The following MAPK14 variants were observed in gnomAD, a reference collection of about 807,000 sequenced individuals.
The protein encoded by MAPK14 is mitogen-activated protein kinase 14, also known as CSAID-binding protein.
In MAPK14, 16 loss-of-function variants were observed where a neutral mutation model predicts 49.6. That is an observed-to-expected ratio of 0.32 (90% CI 0.22 to 0.49). The LOEUF (loss-of-function observed/expected upper bound fraction) is 0.49, where lower values mean the gene tolerates loss of function less well. Among genes scored for constraint, MAPK14 ranks in the 20% least tolerant of loss-of-function variants. MAPK14 has a pLI of 0.99. For missense variants in MAPK14, 200 were observed against 441.2 expected (o/e 0.45, Z 4.90); for synonymous variants, 142 against 158.0 (o/e 0.90, Z 0.76).
chr6:36,104,779 T>C (rs905087431), intron 10 of MAPK14, among the ~76,000 whole-genome samples: 2 of 152,192 alleles, frequency 1.3e-5, no homozygotes, highest in African/African-American at 2.4e-5. Flanking sequence ...TGACACCCTC[T>C]TAACAGACTC....
chr6:36,113,343 TAAA>T (rs35876911), downstream of MAPK14, among the ~76,000 whole-genome samples: 6 of 71,754 alleles, frequency 8.4e-5, no homozygotes, highest in Admixed American at 1.8e-4. Flanking sequence ...CCCTGTCTCA[TAAA>T]AAAAAAAAAA....
chr6:36,082,628 C>T (rs1037877260), intron 8 of MAPK14, among the ~76,000 whole-genome samples: 1 of 152,096 alleles, frequency 6.6e-6, no homozygotes, highest in African/African-American at 2.4e-5. Context: ...TTTTAAACAA[C>T]CAGCATTTGC....
intron 8 of MAPK14, among the ~76,000 whole-genome samples, chr6:36,080,802 A>T (rs1412195872): frequency 6.6e-6 from 1 of 151,450 alleles, no homozygotes; most frequent in African/African-American, 2.4e-5. Context: ...ACCATTTTAC[A>T]TGCCCACCAG....
rs3752524 is a variant in MAPK14 at position 36,102,969 on chromosome 6, C to G, written c.841+320C>G. On this transcript the variant is annotated intron_variant, in intron 10 of 11. Coordinates refer to ENST00000229794, the MANE Select transcript of MAPK14 (RefSeq NM_139012.3). ...AAGCAGATACAGAAGAAAGCTGTAACTTGCTCACAACTGCTGTGGATTTAT... is the reference window on the plus strand; with the variant it reads ...AAGCAGATACAGAAGAAAGCTGTAAGTTGCTCACAACTGCTGTGGATTTAT... 3.6e-4 allele frequency among the ~76,000 whole-genome samples: 55 copies of G among 152,282 alleles called. No individual in the cohort carries two copies. In the East Asian group the frequency reaches 9.5e-3, roughly 26 times the overall value.
rs181612804 is a variant in MAPK14, at chr6:36,063,249, T to G, written c.305+3902T>G. On this transcript the variant is annotated intron_variant, in intron 3 of 11. Transcript: ENST00000229794. ...GGTAACTGTAACGTGATGCTATGTGTTTGTGTATCTAAACATAACTAAACA... is the reference window on the plus strand; with the variant it reads ...GGTAACTGTAACGTGATGCTATGTGGTTGTGTATCTAAACATAACTAAACA... 6.1e-4 allele frequency among the ~76,000 whole-genome samples: 93 copies of G among 152,236 alleles called. 1 individual carries two copies. Among genetic ancestry groups the G allele is most frequent in the South Asian group, 2.1e-3 (10 of 4,824 alleles).
chr6:36,095,388 A>G (rs1313382597), intron 8 of MAPK14, among the ~76,000 whole-genome samples: 1 of 152,230 alleles, frequency 6.6e-6, no homozygotes, highest in African/African-American at 2.4e-5. Context: ...AGTGCCTGCT[A>G]TAGCCAGTGT....
intron 6 of MAPK14, among the ~76,000 whole-genome samples, chr6:36,075,182 T>C (rs1324566222): frequency 1.5e-5 from 2 of 133,960 alleles, no homozygotes; most frequent in Non-Finnish European, 3.1e-5. Flanking sequence ...GCCGAGATAG[T>C]GCCACTGCAC....
intron 1 of MAPK14, among the ~76,000 whole-genome samples, chr6:36,031,310 A>G (rs1762533559): frequency 1.3e-5 from 2 of 151,656 alleles, no homozygotes; most frequent in South Asian, 4.2e-4. Context: ...CACGGTGCCC[A>G]GCCTGAAGTT....
chr6:36,115,612 C>A (rs1347733243), downstream of MAPK14, among the ~76,000 whole-genome samples: 1 of 151,690 alleles, frequency 6.6e-6, no homozygotes, highest in East Asian at 1.9e-4. Context: ...TGGAGAAACC[C>A]GTCTCTACAG....
intron 1 of MAPK14, among the ~76,000 whole-genome samples, chr6:36,040,388 G>A (rs1762919731): frequency 6.6e-6 from 1 of 152,124 alleles, no homozygotes; most frequent in Admixed American, 6.6e-5. Context: ...TGATAACCCT[G>A]TATATTTGAT....
Position 36,028,079 on chromosome 6 carries a change from G to GC in MAPK14, c.-78dup. The GC allele has an allele frequency of 1.1e-6, 1 of 920,542 alleles. No homozygotes were observed. The allele number at this position is 920,542 out of a possible 1,614,324, so 57.0% of individuals were successfully genotyped here. A position where few individuals can be genotyped will look rare whatever the true frequency, so the allele number is the denominator to read the frequency against. ...AGGTCCCCGCCCGGCTGGGCGGGCA[G>GC]CAAGGGCCGGGGAGAGGGTGCGGGT... On this transcript the variant is annotated 5_prime_UTR_variant, in exon 1 of 12. Coordinates refer to ENST00000229794, the MANE Select transcript of MAPK14 (RefSeq NM_139012.3). This position sits in a 1 kb window ranked among gnomAD's most constrained non-coding sequence, Gnocchi z 5.1.
At chr6:36,045,425 T>C (rs1763134770) in intron 1 of MAPK14, among the ~76,000 whole-genome samples, 1 of 152,200 alleles carries the variant, frequency 6.6e-6, no homozygotes, top group South Asian at 2.1e-4. Flanking sequence ...ATGGCTTCTG[T>C]GATTCATGTC....
chr6:36,065,525 T>C (rs1764018304), intron 3 of MAPK14, among the ~76,000 whole-genome samples: 1 of 150,912 alleles, frequency 6.6e-6, no homozygotes. Flanking sequence ...TGTGTGTGTG[T>C]GTGTGTGTGT....
chr6:36,096,739 A>G (rs1464874715), intron 9 of MAPK14: 2 of 152,236 alleles, frequency 1.3e-5, no homozygotes, highest in Non-Finnish European at 2.9e-5. Context: ...CCTTGTAATT[A>G]TAAGTTAGAT....
intron 8 of MAPK14, among the ~76,000 whole-genome samples, chr6:36,079,589 C>T (rs527946496): frequency 4.6e-5 from 7 of 152,252 alleles, no homozygotes; most frequent in East Asian, 1.9e-4. Flanking sequence ...ACGTGCAGCC[C>T]GCAGGCCCTG....
chr6:36,047,599 T>C (rs969866026), intron 1 of MAPK14, among the ~76,000 whole-genome samples: 1 of 152,226 alleles, frequency 6.6e-6, no homozygotes, highest in Non-Finnish European at 1.5e-5. Flanking sequence ...AGTCTCACTG[T>C]ATCTTCCAGG....
chr6:36,051,202 G>A (rs558948418), intron 1 of MAPK14, among the ~76,000 whole-genome samples: 6 of 150,650 alleles, frequency 4.0e-5, no homozygotes, highest in African/African-American at 1.5e-4. Flanking sequence ...TGCAACCTCC[G>A]CCTCCTGGGA....
chr6:36,114,381 C>T (rs1229173315), downstream of MAPK14, among the ~76,000 whole-genome samples: 3 of 151,024 alleles, frequency 2.0e-5, no homozygotes, highest in Non-Finnish European at 4.4e-5. Context: ...CTTTGGGAGG[C>T]CGAGGTGGGC....
intron 4 of MAPK14, 130 bp from the exon 5 acceptor site, chr6:36,073,561 C>A: frequency 1.4e-6 from 1 of 697,792 alleles, no homozygotes; most frequent in East Asian, 2.6e-5. Flanking sequence ...CTGATAGTTA[C>A]TTATGCTGAT....
Sources: allele counts gnomAD v4.1 joint callset (sites outside exome capture counted in the v4.1 genomes callset), GRCh38; gene constraint gnomAD v4.1.1; non-coding constraint Gnocchi (gnomAD v3.1); transcripts MANE v1.5; gene names NCBI Gene and HGNC (gene_info 2026-07-23, HGNC 2026-07-21).